Variants in DOCK9 observed in about 807,000 individuals in gnomAD.
DOCK9 encodes the protein dedicator of cytokinesis 9.
In DOCK9, 89 loss-of-function variants were observed where a neutral mutation model predicts 263.3. The ratio of observed to expected loss-of-function variants is 0.34; its 90% CI spans 0.28 to 0.40. The LOEUF (loss-of-function observed/expected upper bound fraction) is 0.40, where lower values mean the gene tolerates loss of function less well. DOCK9 is among the 10% of genes least tolerant of loss of function. The probability of loss-of-function intolerance (pLI) is 1.00; values close to 1 mark genes in which losing one functional copy is unlikely to be tolerated. For missense variants in DOCK9, 2,140 were observed against 2,603.4 expected, an observed-to-expected ratio of 0.82 and a Z score of 3.87; for synonymous variants, 976 against 973.1, an observed-to-expected ratio of 1.00 and a Z score of -0.06.
intron 1 of DOCK9, among the ~76,000 whole-genome samples, chr13:99,019,570 C>T (rs1198280510): frequency 6.6e-6 from 1 of 152,108 alleles, no homozygotes; most frequent in East Asian, 1.9e-4. Context: ...CCCCAATAAT[C>T]ATCACCAAAA....
chr13:98,818,965 A>G lies in DOCK9; in HGVS notation c.5130+5433T>C, dbSNP rs1238613423. On this transcript the variant is annotated intron_variant, in intron 45 of 52. Coordinates refer to ENST00000682017, the MANE Select transcript of DOCK9 (RefSeq NM_001366683.2). The stretch of plus-strand genomic sequence containing the variant: ...TTTTAGGATTAATTTAACTAACCTT[A>G]CCTATGAAGCTAGATGCCATCGGTA... Among the ~76,000 whole-genome samples the G allele has an allele frequency of 2.4e-4, 37 of 152,182 alleles. 1 individual carries two copies. The highest frequency in any genetic ancestry group is 2.4e-3 in the Admixed American group (37 of 15,270).
Position 98,797,374 on chromosome 13 carries a change from T to C in DOCK9, c.6017+15A>G, listed in dbSNP as rs771039521. The C allele has an allele frequency of 6.2e-7, 1 of 1,612,024 alleles. No individual in the cohort carries two copies. The highest frequency in any genetic ancestry group is 1.1e-5 in the South Asian group (1 of 90,744). On this transcript the variant is annotated intron_variant, in intron 51 of 52. Transcript: ENST00000682017. The stretch of plus-strand genomic sequence containing the variant: ...CAATACTCGAAGAGAAAAAGATGCT[T>C]TCAGTGTGCTTTACCTGAAAACTTC...
At position 99,038,288 on chromosome 13, in the gene DOCK9, CTT is replaced by C. The variant is rs71419743; in HGVS notation, c.129+47933_129+47934del. ...GCTGAAAAACTGGCTTTATGCCCCC[CTT>C]TTTTTTTTTTTTTTTTTTTTTTTTT... On this transcript the variant is annotated intron_variant, in intron 1 of 32. Coordinates refer to the DOCK9 transcript ENST00000427887. 2.9e-3 allele frequency among the ~76,000 whole-genome samples: 249 copies of C among 86,244 alleles called. 10 individuals carry two copies. The highest frequency in any genetic ancestry group is 7.5e-3 in the African/African-American group (161 of 21,570). The allele number at this position is 86,244 out of a possible 152,430, so 56.6% of individuals were successfully genotyped here.
chr13:99,052,793 C>A (rs1425968713), intron 1 of DOCK9, among the ~76,000 whole-genome samples: 1 of 151,530 alleles, frequency 6.6e-6, no homozygotes, highest in Non-Finnish European at 1.5e-5. Flanking sequence ...AAGTAGAGAC[C>A]AGGGTCTCAC....
chr13:99,084,765 G>A (rs2042264211), intron 1 of DOCK9, among the ~76,000 whole-genome samples: 1 of 152,210 alleles, frequency 6.6e-6, no homozygotes, highest in East Asian at 1.9e-4. Flanking sequence ...GACCACGGCA[G>A]GCCCCAGATA....
intron 1 of DOCK9, among the ~76,000 whole-genome samples, chr13:99,041,468 G>A (rs1819991597): frequency 7.0e-6 from 1 of 142,112 alleles, no homozygotes; most frequent in Non-Finnish European, 1.5e-5. Context: ...GGGAAACAAA[G>A]TAAGACTGTC....
intron 13 of DOCK9, among the ~76,000 whole-genome samples, chr13:98,901,557 G>A (rs1459882394): frequency 1.3e-5 from 2 of 152,234 alleles, no homozygotes; most frequent in Non-Finnish European, 2.9e-5. Flanking sequence ...ATTTTAGGAT[G>A]TCAGAACTGT....
At chr13:99,058,296 C>T (rs1052087901) in intron 1 of DOCK9, among the ~76,000 whole-genome samples, 4 of 151,962 alleles carry the variant, frequency 2.6e-5, no homozygotes, top group Non-Finnish European at 5.9e-5. Context: ...TCCTGAATAG[C>T]TAGGATTACA....
intron 1 of DOCK9, among the ~76,000 whole-genome samples, chr13:99,074,410 AGATCACTTTTTACC>A (rs575742417): frequency 5.2e-4 from 79 of 152,386 alleles, no homozygotes; most frequent in African/African-American, 1.9e-3. Context: ...AGAAGGCAAG[AGATCACTTTTTACC>A]GCAATAAGCA....
intron 45 of DOCK9, among the ~76,000 whole-genome samples, chr13:98,818,073 C>T (rs551826812): frequency 6.6e-6 from 1 of 152,156 alleles, no homozygotes; most frequent in Non-Finnish European, 1.5e-5. Flanking sequence ...AGAGTTAGCA[C>T]AGATTTTACC....
chr13:98,973,743 G>C (rs2059958825), intron 1 of DOCK9, among the ~76,000 whole-genome samples: 1 of 152,120 alleles, frequency 6.6e-6, no homozygotes, highest in East Asian at 1.9e-4. Context: ...GACTATAGGT[G>C]CATGCCACCT....
chr13:99,013,237 A>G (rs111738987), intron 1 of DOCK9, among the ~76,000 whole-genome samples: 1 of 152,136 alleles, frequency 6.6e-6, no homozygotes, highest in Non-Finnish European at 1.5e-5. Flanking sequence ...CTGAGTAGCT[A>G]GGACTACAGG....
chr13:99,043,848 C>T (rs979694229), intron 1 of DOCK9, among the ~76,000 whole-genome samples: 8 of 152,076 alleles, frequency 5.3e-5, no homozygotes, highest in African/African-American at 1.7e-4. Context: ...TGCTTGTCCC[C>T]GCCCACTGCC....
chr13:99,018,212 G>A (rs1885661307), intron 1 of DOCK9, among the ~76,000 whole-genome samples: 1 of 152,196 alleles, frequency 6.6e-6, no homozygotes, highest in South Asian at 2.1e-4. Context: ...GCTGGGAAGT[G>A]GGACCTTCCA....
In DOCK9 at chr13:98,829,846, A is replaced by G. The variant is rs1472550534; in HGVS notation, c.4636-90T>C. ...GCGTTCAGTTAGGATGTGCCTAAGG[A>G]CCCAGCAAAGTGGGGGTTGGGGGGT... On this transcript the variant is annotated intron_variant, in intron 41 of 52. Coordinates refer to ENST00000682017, the MANE Select transcript of DOCK9 (RefSeq NM_001366683.2). This position sits in a 1 kb window ranked among gnomAD's most constrained non-coding sequence, Gnocchi z 4.1. 1.7e-6 allele frequency: 2 copies of G among 1,159,022 alleles called. No homozygotes were observed. The highest frequency in any genetic ancestry group is 5.1e-5 in the East Asian group (2 of 38,896). 71.8% of individuals were successfully genotyped at this position (1,159,022 alleles called of 1,614,324 possible). A position where few individuals can be genotyped will look rare whatever the true frequency, so the allele number is the denominator to read the frequency against.
chr13:98,971,923 TA>T (rs2059774882), intron 1 of DOCK9, among the ~76,000 whole-genome samples: 1 of 152,238 alleles, frequency 6.6e-6, no homozygotes, highest in African/African-American at 2.4e-5. Context: ...TTATCACTTA[TA>T]AACTGGCCTT....
At chr13:99,036,773 C>T (rs926227252) in intron 1 of DOCK9, among the ~76,000 whole-genome samples, 13 of 152,158 alleles carry the variant, frequency 8.5e-5, no homozygotes, top group African/African-American at 2.9e-4. Flanking sequence ...CTTCTGACCT[C>T]GTGATCCGCC....
intron 1 of DOCK9, among the ~76,000 whole-genome samples, chr13:98,975,679 G>A (rs920216192): frequency 2.8e-4 from 43 of 152,026 alleles, no homozygotes; most frequent in African/African-American, 1.9e-4. Context: ...AATTTTATCC[G>A]TTTTAATTTA....
intron 23 of DOCK9, 91 bp downstream of exon 23, chr13:98,882,951 C>CA: frequency 9.5e-7 from 1 of 1,055,336 alleles, no homozygotes; most frequent in East Asian, 2.5e-5. Flanking sequence ...TAAGAGCTTC[C>CA]AAGGGGTGAG....
Sources: allele counts gnomAD v4.1 joint callset (sites outside exome capture counted in the v4.1 genomes callset), GRCh38; gene constraint gnomAD v4.1.1; non-coding constraint Gnocchi (gnomAD v3.1); transcripts MANE v1.5; gene names NCBI Gene and HGNC (gene_info 2026-07-23, HGNC 2026-07-21).